Variants in SPMAP2 observed in about 807,000 individuals in gnomAD.
The protein encoded by SPMAP2 is Theg homolog.
chr19:363,184 ATTT>A, the SPMAP2 span, among the ~76,000 whole-genome samples: 11 of 152,114 alleles, frequency 7.2e-5, no homozygotes, highest in Admixed American at 2.0e-4. Context: ...CATATTTTTT[ATTT>A]TTATTTGTTT....
the SPMAP2 span, among the ~76,000 whole-genome samples, chr19:367,969 A>G: frequency 6.6e-6 from 1 of 152,182 alleles, no homozygotes; most frequent in Admixed American, 6.5e-5. Context: ...AACACGACCT[A>G]GGGGACAGGA....
the SPMAP2 span, chr19:362,292 C>T: frequency 1.4e-5 from 23 of 1,604,824 alleles, no homozygotes; most frequent in Middle Eastern, 1.7e-4. Context: ...TCGTATCCCT[C>T]GTTGAGGCCC....
chr19:365,491 G>A, the SPMAP2 span, among the ~76,000 whole-genome samples: 1 of 137,058 alleles, frequency 7.3e-6, no homozygotes, highest in South Asian at 2.3e-4. Context: ...CAGAGAAACA[G>A]CACAGCCACA....
the SPMAP2 span, among the ~76,000 whole-genome samples, chr19:367,831 G>A: frequency 2.6e-5 from 4 of 152,274 alleles, no homozygotes; most frequent in South Asian, 2.1e-4. Context: ...TGACTGCAGC[G>A]CATTCTCAAG....
chr19:371,275 G>A, the SPMAP2 span: 8 of 1,519,264 alleles, frequency 5.3e-6, no homozygotes, highest in East Asian at 2.5e-5. Flanking sequence ...GCGACTCGAC[G>A]CTCTGTATTC....
chr19:363,965 T>C, the SPMAP2 span, among the ~76,000 whole-genome samples: 1 of 152,154 alleles, frequency 6.6e-6, no homozygotes, highest in East Asian at 1.9e-4. Context: ...GCCTCGCAAG[T>C]AGCTGGGGCT....
At chr19:366,922 C>T in the SPMAP2 span, 8 of 980,748 alleles carry the variant, frequency 8.2e-6, no homozygotes, top group Non-Finnish European at 1.1e-5. Context: ...ACACCCTCTG[C>T]TTCCGGACCA....
chr19:363,225 C>G, the SPMAP2 span, among the ~76,000 whole-genome samples: 1 of 152,220 alleles, frequency 6.6e-6, no homozygotes, highest in Non-Finnish European at 1.5e-5. Flanking sequence ...CAGAGCCTTG[C>G]TCTGTCGCCC....
At chr19:365,651 C>T in the SPMAP2 span, among the ~76,000 whole-genome samples, 4 of 141,436 alleles carry the variant, frequency 2.8e-5, no homozygotes, top group African/African-American at 8.3e-5. Flanking sequence ...GCCACACACT[C>T]GCTCTTACCC....
At chr19:362,019 A>G in the SPMAP2 span, 1 of 448,662 alleles carries the variant, frequency 2.2e-6, no homozygotes, top group Non-Finnish European at 3.9e-6. Context: ...TGGTCAATGA[A>G]AGTGACTCGG....
At chr19:372,610 A>T in the SPMAP2 span, 4 of 1,613,060 alleles carry the variant, frequency 2.5e-6, no homozygotes, top group East Asian at 2.2e-5. Context: ...CTGAGTAGCC[A>T]CCCAGCCCTC....
chr19:365,264 G>A, the SPMAP2 span, among the ~76,000 whole-genome samples: 1 of 152,228 alleles, frequency 6.6e-6, no homozygotes, highest in Non-Finnish European at 1.5e-5. Context: ...CCGGGTGGAT[G>A]CGAGCTCTGC....
the SPMAP2 span, chr19:366,964 G>A: frequency 6.2e-6 from 8 of 1,291,872 alleles, no homozygotes; most frequent in East Asian, 2.6e-5. Context: ...TCTCTTTCAT[G>A]GGGGAGAGCT....
chr19:374,000 C>T, the SPMAP2 span: 1 of 1,613,554 alleles, frequency 6.2e-7, no homozygotes, highest in Non-Finnish European at 8.5e-7. Context: ...CCCCTTACCA[C>T]AGCGTCCCTT....
chr19:368,603 CTG>C, the SPMAP2 span, among the ~76,000 whole-genome samples: 1 of 152,210 alleles, frequency 6.6e-6, no homozygotes, highest in South Asian at 2.1e-4. The surrounding 1 kb of genome is among the most constrained non-coding windows in gnomAD (Gnocchi z 4.1). Flanking sequence ...ACCTGACAGT[CTG>C]TGATTGTTGG....
chr19:373,798 A>G, the SPMAP2 span: 1 of 829,000 alleles, frequency 1.2e-6, no homozygotes, highest in Non-Finnish European at 2.0e-6. Context: ...CCCAGGTCAC[A>G]AGGGTGGAGA....
the SPMAP2 span, among the ~76,000 whole-genome samples, chr19:369,249 C>T: frequency 2.0e-5 from 3 of 152,276 alleles, no homozygotes; most frequent in South Asian, 2.1e-4. Flanking sequence ...ACGGCCAAAA[C>T]GTTTAGGAAT....
the SPMAP2 span, chr19:374,599 C>A: frequency 1.3e-6 from 1 of 777,014 alleles, no homozygotes; most frequent in Non-Finnish European, 2.0e-6. Flanking sequence ...AGGCCTGGAC[C>A]AACCGCAGCT....
chr19:364,754 ACCC>A, the SPMAP2 span, among the ~76,000 whole-genome samples: 1 of 138,784 alleles, frequency 7.2e-6, no homozygotes, highest in East Asian at 2.1e-4. Context: ...TCCTCCTGGT[ACCC>A]CCTTCTCACC....
Sources: gnomAD v4.1 joint callset for allele counts (sites outside exome capture counted in the v4.1 genomes callset) on GRCh38, gnomAD v4.1.1 for gene constraint, Gnocchi (gnomAD v3.1) non-coding constraint, MANE v1.5 for transcripts, NCBI Gene and HGNC (gene_info 2026-07-23, HGNC 2026-07-21) for gene names.